Variants in N4BP2L1 observed in about 807,000 individuals in gnomAD.
N4BP2L1 encodes NEDD4 binding protein 2 like 1.
Under a neutral mutation model 21.2 loss-of-function variants are expected in N4BP2L1, and 12 were observed. The observed-to-expected ratio is 0.57, with a 90% CI of 0.36 to 0.92. The LOEUF (loss-of-function observed/expected upper bound fraction) is 0.92, where lower values mean the gene tolerates loss of function less well. Ranked by LOEUF, N4BP2L1 falls within the 40% of genes least tolerant of loss-of-function variation. The probability of loss-of-function intolerance (pLI) is 0.01; values close to 1 mark genes in which losing one functional copy is unlikely to be tolerated. For missense variants in N4BP2L1, 259 were observed against 310.6 expected (o/e 0.83, Z 1.25); for synonymous variants, 104 against 112.8 (o/e 0.92, Z 0.49).
intron 1 of N4BP2L1, chr13:32,415,814 T>C (rs1013268110): frequency 9.2e-5 from 14 of 152,382 alleles, no homozygotes; most frequent in Admixed American, 7.8e-4. Context: ...ATACTTGTTT[T>C]GTTGGCTTAA....
intron 1 of N4BP2L1, among the ~76,000 whole-genome samples, chr13:32,426,829 C>A (rs2138024304): frequency 6.6e-6 from 1 of 152,198 alleles, no homozygotes; most frequent in African/African-American, 2.4e-5. Flanking sequence ...ATAAGAAAAA[C>A]CATGTGCAAA....
intron 1 of N4BP2L1, among the ~76,000 whole-genome samples, chr13:32,411,107 A>G (rs2073833489): frequency 6.6e-6 from 1 of 152,196 alleles, no homozygotes; most frequent in Non-Finnish European, 1.5e-5. Context: ...GTTTTATTTG[A>G]ATCCTATTTC....
chr13:32,424,254 G>A (rs2074643265), intron 1 of N4BP2L1, among the ~76,000 whole-genome samples: 1 of 152,186 alleles, frequency 6.6e-6, no homozygotes, highest in Admixed American at 6.5e-5. Context: ...CCAGCTCTCT[G>A]CCACCTCCAT....
chr13:32,428,187 G>A, upstream of N4BP2L1: 2 of 1,213,860 alleles, frequency 1.6e-6, no homozygotes, highest in African/African-American at 1.6e-5. Flanking sequence ...ATGGATAGAG[G>A]GGCGGGCGCT....
chr13:32,412,075 G>A (rs376181936), intron 1 of N4BP2L1, among the ~76,000 whole-genome samples: 3 of 151,802 alleles, frequency 2.0e-5, no homozygotes, highest in East Asian at 1.9e-4. Flanking sequence ...CGTGCAACAG[G>A]GACCAAACAA....
rs897091964 is a variant in N4BP2L1, at chr13:32,411,717, G to T, written c.180-3945C>A. 5.1e-6 allele frequency: 5 copies of T among 983,870 alleles called. No homozygotes were observed. In the African/African-American group the frequency reaches 8.7e-5, roughly 17 times the overall value. 60.9% of individuals were successfully genotyped at this position (983,870 alleles called of 1,614,324 possible). The stretch of plus-strand genomic sequence containing the variant: ...TTCATTTAAAATCACTATTATAAGA[G>T]AAACTCAGGGGCTAATCTTGATTTC... On this transcript the variant is annotated intron_variant, in intron 1 of 4. Coordinates refer to ENST00000380130, the MANE Select transcript of N4BP2L1 (RefSeq NM_052818.3).
At chr13:32,415,019 G>T (rs145880261) in intron 1 of N4BP2L1, among the ~76,000 whole-genome samples, 2 of 152,308 alleles carry the variant, frequency 1.3e-5, no homozygotes, top group African/African-American at 4.8e-5. Context: ...GGGTTCACAT[G>T]CATTGAACAG....
At chr13:32,408,078 G>T (rs1219229868) in intron 1 of N4BP2L1, among the ~76,000 whole-genome samples, 1 of 152,192 alleles carries the variant, frequency 6.6e-6, no homozygotes, top group African/African-American at 2.4e-5. Flanking sequence ...CTGAAGCTAA[G>T]TCGCAGGCCT....
At chr13:32,403,293 C>T in intron 4 of N4BP2L1, 93 bp from the exon 5 acceptor site, 1 of 1,333,242 alleles carries the variant, frequency 7.5e-7, no homozygotes. Context: ...ATATTGCAGT[C>T]CCTGTTCTCA....
chr13:32,423,363 G>C (rs2074588063), intron 1 of N4BP2L1, among the ~76,000 whole-genome samples: 2 of 152,170 alleles, frequency 1.3e-5, no homozygotes, highest in African/African-American at 4.8e-5. Flanking sequence ...GGTGCCAAAA[G>C]GAACCAGAAC....
chr13:32,415,667 A>T (rs559424112), intron 1 of N4BP2L1, among the ~76,000 whole-genome samples: 1 of 152,320 alleles, frequency 6.6e-6, no homozygotes, highest in East Asian at 1.9e-4. Context: ...TAGACTCCTA[A>T]TCAGGAGTTT....
Position 32,407,336 on chromosome 13 carries a change from T to G in N4BP2L1, c.310A>C (p.Arg104=). 1.2e-6 allele frequency: 2 copies of G among 1,614,192 alleles called. No homozygotes were observed. Among genetic ancestry groups the G allele is most frequent in the Non-Finnish European group, 1.7e-6 (2 of 1,180,020 alleles). Residue 104 remains arginine (R), a splice_region_variant and synonymous_variant, in exon 3 of 5, where the codon AGA becomes CGA. Transcript: ENST00000380130. The part of the protein sequence containing the change: ...EAHEWNQKRA[R]KAMRNGISPI... ...GATATGCCATTCCTCATTGCTTTTC[T>G]TGCTGCAACACAATGTTACATAACA...
intron 1 of N4BP2L1, among the ~76,000 whole-genome samples, chr13:32,410,992 T>G (rs963136896): frequency 9.9e-5 from 15 of 152,238 alleles, no homozygotes; most frequent in Non-Finnish European, 1.6e-4. Context: ...TTATCTGCTC[T>G]TGTTTTCCTC....
intron 1 of N4BP2L1, among the ~76,000 whole-genome samples, chr13:32,408,044 G>A (rs940506835): frequency 5.3e-5 from 8 of 152,166 alleles, no homozygotes; most frequent in East Asian, 1.9e-4. Context: ...CTTCTGTAGC[G>A]GCAAGAACTG....
intron 1 of N4BP2L1, among the ~76,000 whole-genome samples, chr13:32,409,306 T>C (rs960081774): frequency 6.6e-6 from 1 of 152,206 alleles, no homozygotes; most frequent in African/African-American, 2.4e-5. Context: ...GAAGGCAGCA[T>C]AGATCACTGA....
chr13:32,411,685 G>A (rs561351018), intron 1 of N4BP2L1: 36 of 984,992 alleles, frequency 3.7e-5, no homozygotes, highest in South Asian at 4.7e-5. Flanking sequence ...CACAACCCCC[G>A]CTCAAATTCA....
chr13:32,424,002 T>A (rs945035895), intron 1 of N4BP2L1, among the ~76,000 whole-genome samples: 2 of 152,174 alleles, frequency 1.3e-5, no homozygotes, highest in African/African-American at 4.8e-5. Flanking sequence ...ATGCTTTCAT[T>A]GAGGTAGCGG....
At position 32,407,776 on chromosome 13, in the gene N4BP2L1, G is replaced by T. The variant is rs373437414; in HGVS notation, c.180-4C>A. The T allele has an allele frequency of 4.7e-5, 74 of 1,576,570 alleles. No homozygotes were observed. Among genetic ancestry groups the T allele is most frequent in the Non-Finnish European group, 5.8e-5 (68 of 1,165,360 alleles). ...GGGAAAGTCATGCTGCAATTGTCTG[G>T]AAAGTGGAGAAATGAGAGAGAGAGA... On this transcript the variant is annotated splice_region_variant and splice_polypyrimidine_tract_variant and intron_variant, in intron 1 of 4. Coordinates refer to ENST00000380130, the MANE Select transcript of N4BP2L1 (RefSeq NM_052818.3).
At chr13:32,405,997 G>A (rs1026577402) in intron 3 of N4BP2L1, among the ~76,000 whole-genome samples, 4 of 146,096 alleles carry the variant, frequency 2.7e-5, no homozygotes, top group African/African-American at 1.0e-4. Context: ...CCACCTCCCG[G>A]GTTCACGCCA....
Sources: allele counts gnomAD v4.1 joint callset (sites outside exome capture counted in the v4.1 genomes callset), GRCh38; gene constraint gnomAD v4.1.1; transcripts MANE v1.5; gene names NCBI Gene and HGNC (gene_info 2026-07-23, HGNC 2026-07-21).